Variants in NCKAP5 observed in about 807,000 individuals in gnomAD.
NCKAP5 encodes the protein nck-associated protein 5.
In NCKAP5, 92 loss-of-function variants were observed where a neutral mutation model predicts 167.0. The ratio of observed to expected loss-of-function variants is 0.55; its 90% CI spans 0.47 to 0.66. The LOEUF (loss-of-function observed/expected upper bound fraction) is 0.66. Ranked by LOEUF, NCKAP5 falls within the 30% of genes least tolerant of loss-of-function variation. The pLI is 0.00. For synonymous variants in NCKAP5, 891 were observed against 877.4 expected, an observed-to-expected ratio of 1.02 and a Z score of -0.27; for missense variants, 2,378 against 2,315.0, an observed-to-expected ratio of 1.03 and a Z score of -0.56.
intron 6 of NCKAP5, among the ~76,000 whole-genome samples, chr2:133,102,602 G>A (rs758803719): frequency 6.6e-6 from 1 of 152,110 alleles, no homozygotes; most frequent in Non-Finnish European, 1.5e-5. Flanking sequence ...TCTCTCTTAA[G>A]GATCTTTATT....
chr2:133,498,433 C>T (rs60579119), intron 3 of NCKAP5, among the ~76,000 whole-genome samples: 9 of 100,350 alleles, frequency 9.0e-5, no homozygotes, highest in African/African-American at 3.1e-4. Flanking sequence ...ATGAGAAAAA[C>T]GGAAGGAAGG....
In NCKAP5 at chr2:133,075,968, T is replaced by G. The variant is rs996740777; in HGVS notation, c.341+54010A>C. On this transcript the variant is annotated intron_variant, in intron 6 of 19. Coordinates refer to ENST00000409261, the MANE Select transcript of NCKAP5 (RefSeq NM_207363.3). ...CTGTAAGTCGGGTACTGAAACCCAC[T>G]TCAAATATAATAATATAAAAAAGTG... Among the ~76,000 whole-genome samples, 62 of 152,126 alleles carry G rather than the reference T, an allele frequency of 4.1e-4. 1 individual carries two copies. Among genetic ancestry groups the G allele is most frequent in the Non-Finnish European group, 8.5e-4 (58 of 68,022 alleles).
intron 6 of NCKAP5, among the ~76,000 whole-genome samples, chr2:133,072,696 T>C (rs2080458072): frequency 6.6e-6 from 1 of 152,198 alleles, no homozygotes; most frequent in African/African-American, 2.4e-5. Context: ...CGATACCACA[T>C]AAACAATGTC....
chr2:132,723,862 T>C (rs1456903531), intron 19 of NCKAP5, among the ~76,000 whole-genome samples: 1 of 152,336 alleles, frequency 6.6e-6, no homozygotes, highest in Admixed American at 6.5e-5. Flanking sequence ...GCCAGACGCA[T>C]CCTTTTTAAA....
chr2:132,887,381 A>T (rs377515655), intron 8 of NCKAP5, among the ~76,000 whole-genome samples: 2 of 149,306 alleles, frequency 1.3e-5, no homozygotes, highest in African/African-American at 2.5e-5. Flanking sequence ...CCATCCATCC[A>T]TCCATCCATC....
chr2:133,105,523 C>T (rs985495906), intron 6 of NCKAP5, among the ~76,000 whole-genome samples: 3 of 152,156 alleles, frequency 2.0e-5, no homozygotes, highest in African/African-American at 7.2e-5. Flanking sequence ...TCTTTATTTC[C>T]TTCCCTCTAT....
At position 133,135,199 on chromosome 2, in the gene NCKAP5, C is replaced by A. The variant is rs143324856; in HGVS notation, c.208-5088G>T. On this transcript the variant is annotated intron_variant, in intron 5 of 19. Transcript: ENST00000409261. The stretch of plus-strand genomic sequence containing the variant: ...CGGAAACTGATTTTGTTTGGTAGGT[C>A]AGGGAAAGGCCTCTGAGGAAGTAAT... Among the ~76,000 whole-genome samples the A allele has an allele frequency of 4.6e-3, 703 of 152,286 alleles. 7 individuals carry two copies. Among genetic ancestry groups the A allele is most frequent in the African/African-American group, 0.016 (675 of 41,546 alleles).
chr2:133,434,772 TAAAGG>T (rs746246573), intron 3 of NCKAP5, among the ~76,000 whole-genome samples: 21 of 152,208 alleles, frequency 1.4e-4, no homozygotes, highest in Non-Finnish European at 2.5e-4. Context: ...TGGTTGACTA[TAAAGG>T]ATTTTCCACC....
intron 6 of NCKAP5, among the ~76,000 whole-genome samples, chr2:133,033,626 G>A (rs541085320): frequency 6.6e-6 from 1 of 152,190 alleles, no homozygotes; most frequent in East Asian, 1.9e-4. Context: ...ACACATATAA[G>A]CAATTCAGAA....
the NCKAP5 span, among the ~76,000 whole-genome samples, chr2:133,604,592 C>T: frequency 2.6e-5 from 4 of 152,006 alleles, no homozygotes; most frequent in East Asian, 1.9e-4. Flanking sequence ...TTGTTATCAC[C>T]GAGAGAACAG....
At chr2:133,112,682 C>T (rs555583564) in intron 6 of NCKAP5, among the ~76,000 whole-genome samples, 3 of 152,332 alleles carry the variant, frequency 2.0e-5, no homozygotes, top group Non-Finnish European at 4.4e-5. Flanking sequence ...GCAATGCCAT[C>T]TGCAGTAAGA....
chr2:133,140,645 T>C (rs2082963009), intron 5 of NCKAP5, among the ~76,000 whole-genome samples: 1 of 152,022 alleles, frequency 6.6e-6, no homozygotes, highest in African/African-American at 2.4e-5. Context: ...AACATACTTG[T>C]GCTCTTGCTT....
chr2:132,706,532 C>A (rs1478539876), intron 19 of NCKAP5, among the ~76,000 whole-genome samples: 1 of 152,090 alleles, frequency 6.6e-6, no homozygotes, highest in African/African-American at 2.4e-5. Flanking sequence ...CTGTTTATGT[C>A]ATCTTCTTCT....
At chr2:133,530,163 G>A (rs1685249033) in intron 2 of NCKAP5, among the ~76,000 whole-genome samples, 1 of 151,964 alleles carries the variant, frequency 6.6e-6, no homozygotes, top group Non-Finnish European at 1.5e-5. Flanking sequence ...TAAATTCATT[G>A]ATTCTGTGAT....
intron 5 of NCKAP5, among the ~76,000 whole-genome samples, chr2:133,211,107 A>G (rs2150161564): frequency 6.6e-6 from 1 of 151,080 alleles, no homozygotes; most frequent in African/African-American, 2.4e-5. Context: ...CCAGGCCTTT[A>G]CATTTGCTGA....
intron 2 of NCKAP5, among the ~76,000 whole-genome samples, chr2:133,548,930 G>A (rs550436205): frequency 1.6e-4 from 24 of 150,378 alleles, no homozygotes; most frequent in African/African-American, 4.4e-4. Context: ...AGACACAGAC[G>A]GGCAAATTGG....
intron 6 of NCKAP5, among the ~76,000 whole-genome samples, chr2:132,996,403 A>AC (rs1335399058): frequency 6.6e-6 from 1 of 152,212 alleles, no homozygotes; most frequent in African/African-American, 2.4e-5. Flanking sequence ...TAAAGGAAAC[A>AC]CACCCATTCC....
chr2:133,070,314 A>G (rs1360202312), intron 6 of NCKAP5, among the ~76,000 whole-genome samples: 3 of 152,300 alleles, frequency 2.0e-5, no homozygotes, highest in East Asian at 1.9e-4. Flanking sequence ...GATATGGCTA[A>G]TAAGATATGC....
chr2:133,402,077 T>G (rs1177616606), intron 3 of NCKAP5, among the ~76,000 whole-genome samples: 1 of 151,312 alleles, frequency 6.6e-6, no homozygotes, highest in Non-Finnish European at 1.5e-5. Flanking sequence ...TGTGTCTTCC[T>G]AAATTAATAA....
Sources: allele counts gnomAD v4.1 joint callset (sites outside exome capture counted in the v4.1 genomes callset), GRCh38; gene constraint gnomAD v4.1.1; transcripts MANE v1.5; gene names NCBI Gene and HGNC (gene_info 2026-07-23, HGNC 2026-07-21).